The following MLIP variants were observed in gnomAD, a reference collection of about 807,000 sequenced individuals.
The protein encoded by MLIP is muscular LMNA-interacting protein.
In MLIP, 79 loss-of-function variants were observed where a neutral mutation model predicts 84.8. The observed-to-expected ratio is 0.93, with a 90% CI of 0.78 to 1.12. MLIP has a LOEUF of 1.12. Ranked by LOEUF, MLIP falls within the 50% of genes most tolerant of loss-of-function variation. The pLI, the probability that MLIP is intolerant of heterozygous loss-of-function variation, is 0.00. For missense variants in MLIP, 1,257 were observed against 1,160.6 expected, an observed-to-expected ratio of 1.08 and a Z score of -1.21; for synonymous variants, 504 against 463.0, an observed-to-expected ratio of 1.09 and a Z score of -1.14.
chr6:54,051,895 T>A (rs892537701), intron 1 of MLIP, among the ~76,000 whole-genome samples: 1 of 152,148 alleles, frequency 6.6e-6, no homozygotes, highest in Non-Finnish European at 1.5e-5. Flanking sequence ...TGGTAACAAA[T>A]ACAATTCAAA....
intron 11 of MLIP, among the ~76,000 whole-genome samples, chr6:54,219,065 G>C (rs1043982684): frequency 6.6e-6 from 1 of 151,480 alleles, no homozygotes; most frequent in Non-Finnish European, 1.5e-5. Context: ...AATTAGCCGG[G>C]CATGGTGGCG....
At chr6:54,230,411 T>C (rs189517382) in intron 11 of MLIP, among the ~76,000 whole-genome samples, 1 of 152,294 alleles carries the variant, frequency 6.6e-6, no homozygotes, top group East Asian at 1.9e-4. Context: ...TGGATTATCT[T>C]CTTCCTTACA....
intron 9 of MLIP, among the ~76,000 whole-genome samples, chr6:54,186,673 A>G (rs1342896299): frequency 6.6e-6 from 1 of 152,136 alleles, no homozygotes; most frequent in East Asian, 1.9e-4. Context: ...TATAAAAACC[A>G]TCAGCTTTTG....
intron 5 of MLIP, among the ~76,000 whole-genome samples, chr6:54,157,333 A>G (rs1774133365): frequency 6.6e-6 from 1 of 152,124 alleles, no homozygotes; most frequent in Non-Finnish European, 1.5e-5. Flanking sequence ...GAGAGCCTCA[A>G]ATGGCCTAAT....
At chr6:54,230,639 A>G (rs978581700) in intron 11 of MLIP, 75 bp from the exon 12 acceptor site, 11 of 1,336,172 alleles carry the variant, frequency 8.2e-6, no homozygotes, top group East Asian at 2.3e-5. Context: ...ACCTATGTCT[A>G]TCGTAGACCT....
At chr6:54,143,459 GC>G (rs1318888481) in intron 4 of MLIP, among the ~76,000 whole-genome samples, 1 of 151,984 alleles carries the variant, frequency 6.6e-6, no homozygotes, top group Non-Finnish European at 1.5e-5. Context: ...GCCTGCCTTG[GC>G]CCCCCAAACT....
At chr6:54,106,167 A>C (rs1367925105) in intron 1 of MLIP, among the ~76,000 whole-genome samples, 1 of 152,168 alleles carries the variant, frequency 6.6e-6, no homozygotes, top group Non-Finnish European at 1.5e-5. Context: ...AGCTGACCTC[A>C]TGAGGAGCTC....
intron 12 of MLIP, among the ~76,000 whole-genome samples, chr6:54,254,036 G>C (rs918481228): frequency 6.7e-6 from 1 of 149,888 alleles, no homozygotes; most frequent in African/African-American, 2.5e-5. Context: ...TTACCATCAA[G>C]TATGCCAGCT....
At position 54,091,013 on chromosome 6, in the gene MLIP, C is replaced by T. The variant is rs139217696; in HGVS notation, c.64-30434C>T. Among the ~76,000 whole-genome samples, 434 of 152,170 alleles carry T rather than the reference C, an allele frequency of 2.9e-3. 3 individuals are homozygous for T. Among genetic ancestry groups the T allele is most frequent in the African/African-American group, 9.1e-3 (376 of 41,510 alleles). On this transcript the variant is annotated intron_variant, in intron 1 of 12. Coordinates refer to the MLIP transcript ENST00000274897. The stretch of plus-strand genomic sequence containing the variant: ...TCGACATTTGGGCCAAATATATCTT[C>T]GTTGCCAGGAACCGTGCTGTGAGTT...
chr6:54,207,946 A>G (rs1480464074), intron 11 of MLIP, among the ~76,000 whole-genome samples: 1 of 152,020 alleles, frequency 6.6e-6, no homozygotes, highest in East Asian at 1.9e-4. Context: ...TAACACGGTG[A>G]AACCCCGTCT....
At chr6:54,050,787 C>T (rs1052546651) in intron 1 of MLIP, among the ~76,000 whole-genome samples, 1 of 152,172 alleles carries the variant, frequency 6.6e-6, no homozygotes, top group Non-Finnish European at 1.5e-5. Context: ...TATTCCCCTA[C>T]ACTCTGAGGT....
chr6:54,028,067 G>A (rs1480396829), intron 1 of MLIP, among the ~76,000 whole-genome samples: 3 of 152,142 alleles, frequency 2.0e-5, no homozygotes, highest in East Asian at 3.8e-4. Context: ...TGATGGAATT[G>A]TATTAGAGAA....
intron 12 of MLIP, among the ~76,000 whole-genome samples, chr6:54,235,906 T>C (rs1781326694): frequency 6.6e-6 from 1 of 152,214 alleles, no homozygotes; most frequent in African/African-American, 2.4e-5. Context: ...TAATACATGG[T>C]TACATCCTTT....
intron 7 of MLIP, 63 bp downstream of exon 7, chr6:54,160,662 A>G: frequency 1.3e-6 from 2 of 1,513,446 alleles, no homozygotes; most frequent in Admixed American, 1.7e-5. Context: ...ATTTTCCTCT[A>G]CTTTAGTATG....
intron 1 of MLIP, among the ~76,000 whole-genome samples, chr6:54,056,960 T>G (rs1326369249): frequency 6.6e-6 from 1 of 152,214 alleles, no homozygotes; most frequent in Non-Finnish European, 1.5e-5. Flanking sequence ...ATGAGAAAAG[T>G]AAGTCACAGA....
At chr6:54,031,417 G>A (rs531861868) in intron 1 of MLIP, 5 of 152,240 alleles carry the variant, frequency 3.3e-5, no homozygotes, top group South Asian at 4.1e-4. Context: ...GCTCCTCAAG[G>A]TCAGGAACTC....
chr6:54,053,845 A>G (rs767778358), intron 1 of MLIP, among the ~76,000 whole-genome samples: 1 of 152,216 alleles, frequency 6.6e-6, no homozygotes, highest in African/African-American at 2.4e-5. Flanking sequence ...TCTGACTGAT[A>G]CAAGTGCACT....
At chr6:54,142,547 G>A (rs1020899490) in intron 4 of MLIP, among the ~76,000 whole-genome samples, 1 of 152,182 alleles carries the variant, frequency 6.6e-6, no homozygotes, top group Non-Finnish European at 1.5e-5. Context: ...CTAGCAGTGA[G>A]GAACAGGATG....
chr6:54,134,066 A>G (rs1401726827), intron 3 of MLIP, among the ~76,000 whole-genome samples: 2 of 152,120 alleles, frequency 1.3e-5, no homozygotes, highest in Admixed American at 6.6e-5. Context: ...TGAGAACAAC[A>G]TAGAGGGTTA....
Sources: gnomAD v4.1 joint callset for allele counts (sites outside exome capture counted in the v4.1 genomes callset) on GRCh38, gnomAD v4.1.1 for gene constraint, MANE v1.5 for transcripts, NCBI Gene and HGNC (gene_info 2026-07-23, HGNC 2026-07-21) for gene names.